STXBP5: variants seen among roughly 807,000 people sequenced by gnomAD.
The protein encoded by STXBP5 is syntaxin-binding protein 5.
A neutral mutation model predicts 152.4 loss-of-function variants in STXBP5; 50 were observed. The observed-to-expected ratio is 0.33, with a 90% confidence interval of 0.26 to 0.42. The LOEUF is 0.42. Among genes scored for constraint, STXBP5 ranks in the 10% least tolerant of loss-of-function variants. STXBP5 has a pLI of 1.00. For missense variants in STXBP5, 1,167 were observed against 1,388.6 expected, an observed-to-expected ratio of 0.84 and a Z score of 2.54; for synonymous variants, 492 against 494.7, an observed-to-expected ratio of 0.99 and a Z score of 0.07.
chr6:147,318,805 T>C (rs1782769525), intron 16 of STXBP5, among the ~76,000 whole-genome samples: 2 of 152,178 alleles, frequency 1.3e-5, no homozygotes, highest in Admixed American at 1.3e-4. Flanking sequence ...CTTAACAGTT[T>C]TTTCTGAATC....
chr6:147,317,636 C>A (rs1207044194), intron 16 of STXBP5, among the ~76,000 whole-genome samples: 1 of 152,034 alleles, frequency 6.6e-6, no homozygotes, highest in Non-Finnish European at 1.5e-5. Context: ...CAGTATATAC[C>A]CATTGAGGTT....
chr6:147,358,666 A>C (rs558256747), intron 22 of STXBP5, among the ~76,000 whole-genome samples: 2 of 152,338 alleles, frequency 1.3e-5, no homozygotes, highest in African/African-American at 4.8e-5. Flanking sequence ...GTAGATTAAC[A>C]CATATTTTGT....
At chr6:147,273,300 G>A (rs536916405) in intron 7 of STXBP5, among the ~76,000 whole-genome samples, 1 of 152,064 alleles carries the variant, frequency 6.6e-6, no homozygotes, top group Admixed American at 6.6e-5. Context: ...GGAGTTCAAG[G>A]CAGCAGTGAG....
At chr6:147,324,848 G>A in intron 16 of STXBP5, 111 bp from the exon 17 acceptor site, 1 of 1,031,884 alleles carries the variant, frequency 9.7e-7, no homozygotes, top group South Asian at 4.2e-5. Context: ...ACAGGATTCT[G>A]ATTTTTATAT....
intron 22 of STXBP5, 119 bp from the exon 23 acceptor site, chr6:147,358,961 TTAAA>T (rs1318387973): frequency 8.8e-7 from 1 of 1,137,830 alleles, no homozygotes; most frequent in Non-Finnish European, 1.2e-6. Context: ...GAAGTGAATA[TTAAA>T]TATGACGTAG....
chr6:147,222,883 G>A (rs529421203), intron 2 of STXBP5, among the ~76,000 whole-genome samples: 4 of 152,240 alleles, frequency 2.6e-5, no homozygotes, highest in African/African-American at 7.2e-5. Flanking sequence ...TTGAGCCTCC[G>A]GCTATTCCTC....
At chr6:147,319,578 A>G (rs61703073) in intron 16 of STXBP5, among the ~76,000 whole-genome samples, 1 of 152,106 alleles carries the variant, frequency 6.6e-6, no homozygotes, top group Non-Finnish European at 1.5e-5. Flanking sequence ...CATGTATAAT[A>G]AAACTTTATA....
chr6:147,245,160 T>A (rs1487989073), intron 4 of STXBP5, among the ~76,000 whole-genome samples: 1 of 151,928 alleles, frequency 6.6e-6, no homozygotes, highest in Non-Finnish European at 1.5e-5. Context: ...GGCTAATTTT[T>A]CTTTGAATTG....
chr6:147,290,351 G>A (rs1203227629), intron 8 of STXBP5, among the ~76,000 whole-genome samples: 1 of 152,126 alleles, frequency 6.6e-6, no homozygotes, highest in Non-Finnish European at 1.5e-5. Context: ...GAGGGTAAGA[G>A]GTGTTAGGTT....
Position 147,204,776 on chromosome 6 carries a change from G to C in STXBP5, c.150+94G>C, listed in dbSNP as rs1776452806. The C allele has an allele frequency of 7.9e-7, 1 of 1,261,816 alleles. No homozygotes were observed. Among genetic ancestry groups the C allele is most frequent in the Admixed American group, 3.3e-5 (1 of 30,708 alleles). The allele number at this position is 1,261,816 out of a possible 1,614,324, so 78.2% of individuals were successfully genotyped here. A position where few individuals can be genotyped will look rare whatever the true frequency, so the allele number is the denominator to read the frequency against. On this transcript the variant is annotated intron_variant, in intron 1 of 27. Transcript: ENST00000321680. This position sits in a 1 kb window ranked among gnomAD's most constrained non-coding sequence, Gnocchi z 4.3. ...GGCTTTACATGGGAATGCAAGGGAA[G>C]AGAACGCCAATAATAATAATAATAA...
At chr6:147,288,061 G>A (rs1374917540) in intron 8 of STXBP5, among the ~76,000 whole-genome samples, 10 of 151,904 alleles carry the variant, frequency 6.6e-5, no homozygotes, top group East Asian at 3.9e-4. Context: ...CTTTTAGACC[G>A]CCATGAATGT....
chr6:147,256,181 C>T (rs960062855), intron 4 of STXBP5, among the ~76,000 whole-genome samples: 2 of 152,196 alleles, frequency 1.3e-5, no homozygotes, highest in East Asian at 1.9e-4. Flanking sequence ...AGACTTGGAA[C>T]ACTGTGTTTG....
chr6:147,303,248 G>A (rs1169993659), intron 9 of STXBP5, among the ~76,000 whole-genome samples: 1 of 152,078 alleles, frequency 6.6e-6, no homozygotes, highest in Non-Finnish European at 1.5e-5. Context: ...GATTTGGTGG[G>A]AGGTAATTGA....
intron 16 of STXBP5, 49 bp from the exon 17 acceptor site, chr6:147,324,910 G>A: frequency 7.2e-7 from 1 of 1,396,926 alleles, no homozygotes; most frequent in African/African-American, 1.5e-5. Context: ...AATCATATAG[G>A]CCAATAGTTG....
Position 147,260,700 on chromosome 6 carries a change from T to G in STXBP5, c.517T>G (p.Ser173Ala). ...RGNIHIVNVE[S>A]FTLSGYVIMW... ...TAATATACATATTGTCAATGTGGAG[T>G]CCTTCACACTCTCAGGCTACGTCAT... Residue 173 changes from serine to alanine, a missense_variant, in exon 5 of 28, where the codon TCC becomes GCC. Ser to Ala is a moderately conservative substitution (Grantham distance 99, BLOSUM62 1). Transcript: ENST00000321680. The G allele has an allele frequency of 6.2e-7, 1 of 1,613,668 alleles. No homozygotes were observed. The highest frequency in any genetic ancestry group is 8.5e-7 in the Non-Finnish European group (1 of 1,179,698).
intron 21 of STXBP5, among the ~76,000 whole-genome samples, chr6:147,349,481 G>T (rs962551099): frequency 6.6e-6 from 1 of 152,178 alleles, no homozygotes; most frequent in Non-Finnish European, 1.5e-5. Flanking sequence ...GCATGTGTAT[G>T]TAAGTTTTAC....
chr6:147,246,097 A>G (rs1778797837), intron 4 of STXBP5, among the ~76,000 whole-genome samples: 2 of 152,340 alleles, frequency 1.3e-5, no homozygotes, highest in South Asian at 2.1e-4. Context: ...TATACATGCA[A>G]AAGAGATGTT....
chr6:147,371,600 C>T (rs1785544214), intron 25 of STXBP5, among the ~76,000 whole-genome samples: 1 of 152,124 alleles, frequency 6.6e-6, no homozygotes. Context: ...GACTAAGAGT[C>T]TCCTGCTAGT....
intron 2 of STXBP5, among the ~76,000 whole-genome samples, chr6:147,231,573 A>G (rs750353931): frequency 1.5e-4 from 23 of 151,922 alleles, no homozygotes; most frequent in Non-Finnish European, 3.1e-4. Flanking sequence ...GTTACAAGCT[A>G]AGATACAGTG....
Sources: allele counts gnomAD v4.1 joint callset (sites outside exome capture counted in the v4.1 genomes callset), GRCh38; gene constraint gnomAD v4.1.1; non-coding constraint Gnocchi (gnomAD v3.1); transcripts MANE v1.5; gene names NCBI Gene and HGNC (gene_info 2026-07-23, HGNC 2026-07-21).